The following MEMO1 variants were observed in gnomAD, a reference collection of about 807,000 sequenced individuals.
MEMO1 encodes the protein mediator of cell motility 1, also known as protein MEMO1.
MEMO1 carries 6 observed loss-of-function variants against 45.2 expected under a neutral mutation model. The ratio of observed to expected loss-of-function variants is 0.13; its 90% CI spans 0.07 to 0.26. The LOEUF is 0.26. MEMO1 is among the 10% of genes least tolerant of loss of function. MEMO1 has a pLI of 1.00. For synonymous variants in MEMO1, 78 were observed against 124.3 expected (o/e 0.63, Z 2.48); for missense variants, 184 against 370.5 (o/e 0.50, Z 4.13).
chr2:31,890,143 A>T (rs1676750218), intron 7 of MEMO1, among the ~76,000 whole-genome samples: 5 of 152,154 alleles, frequency 3.3e-5, no homozygotes, highest in Admixed American at 6.6e-5. Context: ...AAAAAGGATG[A>T]TTCCACAGAA....
At chr2:31,969,938 T>C (rs188518215) in intron 2 of MEMO1, among the ~76,000 whole-genome samples, 14 of 151,942 alleles carry the variant, frequency 9.2e-5, no homozygotes, top group African/African-American at 3.4e-4. Flanking sequence ...GAATTACTTT[T>C]GTAATAAATA....
intron 6 of MEMO1, among the ~76,000 whole-genome samples, chr2:31,898,473 AC>A (rs1337893417): frequency 1.3e-5 from 2 of 152,186 alleles, no homozygotes; most frequent in Non-Finnish European, 2.9e-5. Flanking sequence ...TTCGTAATTT[AC>A]CCAGTAGTCA....
chr2:31,915,369 C>T (rs1377296583), intron 6 of MEMO1, among the ~76,000 whole-genome samples: 1 of 152,044 alleles, frequency 6.6e-6, no homozygotes, highest in Non-Finnish European at 1.5e-5. Context: ...TTCTCTTATT[C>T]CTGTATATAC....
At chr2:31,943,923 T>C (rs903910353) in intron 2 of MEMO1, among the ~76,000 whole-genome samples, 27 of 152,300 alleles carry the variant, frequency 1.8e-4, no homozygotes, top group Admixed American at 1.5e-3. Flanking sequence ...CTTTACTCAA[T>C]ATACTAATTT....
intron 7 of MEMO1, among the ~76,000 whole-genome samples, chr2:31,886,500 A>C (rs1228701514): frequency 1.3e-5 from 2 of 152,154 alleles, no homozygotes; most frequent in Non-Finnish European, 2.9e-5. Context: ...ATTATTTTAA[A>C]AGTGTCTCAA....
chr2:31,918,749 A>C (rs1424969118), intron 5 of MEMO1, among the ~76,000 whole-genome samples: 1 of 152,188 alleles, frequency 6.6e-6, no homozygotes, highest in East Asian at 1.9e-4. Context: ...TAACATGTAA[A>C]AAATATGTAT....
intron 6 of MEMO1, among the ~76,000 whole-genome samples, chr2:31,915,150 A>C (rs1229423440): frequency 6.6e-6 from 1 of 151,926 alleles, no homozygotes; most frequent in Non-Finnish European, 1.5e-5. Flanking sequence ...CCACTTCTCC[A>C]AAAAAAGAGA....
At chr2:31,909,467 A>G (rs1157035288) in intron 6 of MEMO1, among the ~76,000 whole-genome samples, 2 of 152,226 alleles carry the variant, frequency 1.3e-5, no homozygotes, top group Non-Finnish European at 2.9e-5. Flanking sequence ...ACAAACAGCA[A>G]TCAAACTGAA....
intron 4 of MEMO1, among the ~76,000 whole-genome samples, chr2:31,925,225 G>C (rs751569836): frequency 2.0e-5 from 3 of 152,024 alleles, no homozygotes; most frequent in African/African-American, 7.2e-5. Flanking sequence ...TGCCTGAAAT[G>C]CCAGCACTTT....
chr2:31,973,453 C>T (rs112279520), intron 2 of MEMO1, among the ~76,000 whole-genome samples: 2,007 of 149,562 alleles, frequency 0.013, 58 homozygotes, highest in African/African-American at 0.047. Context: ...GACTCTGTCT[C>T]GGGAAGAGAA....
chr2:31,921,765 G>T (rs2148181958), intron 4 of MEMO1, among the ~76,000 whole-genome samples: 1 of 152,096 alleles, frequency 6.6e-6, no homozygotes, highest in African/African-American at 2.4e-5. Flanking sequence ...GGTGAAAAAG[G>T]CATCTTGTTG....
At chr2:31,984,667 G>A (rs535127146) in intron 2 of MEMO1, among the ~76,000 whole-genome samples, 67 of 152,318 alleles carry the variant, frequency 4.4e-4, no homozygotes, top group African/African-American at 1.5e-3. Context: ...TTAGCGAGGC[G>A]TGGTGGCGGG....
At chr2:31,899,998 T>C (rs577647318) in intron 6 of MEMO1, among the ~76,000 whole-genome samples, 228 of 152,286 alleles carry the variant, frequency 1.5e-3, no homozygotes, top group Non-Finnish European at 2.7e-3. Context: ...TCACACCAGT[T>C]AGAATGGCAA....
intron 2 of MEMO1, among the ~76,000 whole-genome samples, chr2:31,978,966 C>T (rs771812950): frequency 6.6e-6 from 1 of 151,754 alleles, no homozygotes; most frequent in African/African-American, 2.4e-5. Flanking sequence ...TCCATCCCCC[C>T]CCAAAAAAAA....
intron 2 of MEMO1, among the ~76,000 whole-genome samples, chr2:32,006,262 G>GAT (rs1674051100): frequency 6.6e-6 from 1 of 152,208 alleles, no homozygotes; most frequent in Non-Finnish European, 1.5e-5. Flanking sequence ...GATTTAAAGG[G>GAT]ATAGGACTGG....
At chr2:31,893,327 G>C in intron 6 of MEMO1, 1 of 1,175,754 alleles carries the variant, frequency 8.5e-7, no homozygotes, top group Non-Finnish European at 1.1e-6. Context: ...TGCATCTATG[G>C]AGTAAGAGAA....
chr2:31,999,654 A>G (rs1673032117), intron 2 of MEMO1, among the ~76,000 whole-genome samples: 2 of 152,258 alleles, frequency 1.3e-5, no homozygotes, highest in South Asian at 4.1e-4. Flanking sequence ...TGGGCAACAG[A>G]GCAAGACCCT....
At chr2:31,910,291 A>G (rs1021733891) in intron 6 of MEMO1, among the ~76,000 whole-genome samples, 4 of 152,218 alleles carry the variant, frequency 2.6e-5, no homozygotes, top group Admixed American at 6.5e-5. Context: ...GAGTAAGGAT[A>G]TAGGTCAGAA....
chr2:31,995,437 G>C (rs1250414707), intron 2 of MEMO1, among the ~76,000 whole-genome samples: 1 of 152,152 alleles, frequency 6.6e-6, no homozygotes, highest in African/African-American at 2.4e-5. Context: ...CTGGGCAATA[G>C]AGTGAGATTC....
Sources: allele counts gnomAD v4.1 joint callset (sites outside exome capture counted in the v4.1 genomes callset), GRCh38; gene constraint gnomAD v4.1.1; transcripts MANE v1.5; gene names NCBI Gene and HGNC (gene_info 2026-07-23, HGNC 2026-07-21).